NHSL1: variants seen among roughly 807,000 people sequenced by gnomAD.
NHSL1 encodes the protein NHS-like protein 1.
In NHSL1, 48 loss-of-function variants were observed where a neutral mutation model predicts 95.0. That is an observed-to-expected ratio of 0.51 (90% CI 0.40 to 0.64). The LOEUF is 0.64. NHSL1 is among the 30% of genes least tolerant of loss of function. NHSL1 has a pLI of 0.00. For synonymous variants in NHSL1, 783 were observed against 833.9 expected, an observed-to-expected ratio of 0.94 and a Z score of 1.05; for missense variants, 1,971 against 2,077.7, an observed-to-expected ratio of 0.95 and a Z score of 1.00.
chr6:138,653,222 A>T (rs1785114484), intron 1 of NHSL1, among the ~76,000 whole-genome samples: 1 of 152,232 alleles, frequency 6.6e-6, no homozygotes, highest in Admixed American at 6.5e-5. Flanking sequence ...AGGTCTAACT[A>T]GGTGACATGT....
In NHSL1 at chr6:138,422,441, A is replaced by G. The variant is rs1343588417; in HGVS notation, c.*1640T>C. 1 of 152,176 alleles carries G rather than the reference A, an allele frequency of 6.6e-6. No homozygotes were observed. The highest frequency in any genetic ancestry group is 2.4e-5 in the African/African-American group (1 of 41,438). 9.4% of individuals were successfully genotyped at this position (152,176 alleles called of 1,614,324 possible). On this transcript the variant is annotated 3_prime_UTR_variant, in exon 8 of 8. Coordinates refer to ENST00000343505, the MANE Select transcript of NHSL1 (RefSeq NM_001144060.2). ...ATGGGTATCTAAAGTTTTAGTTTAT[A>G]AGTCTCATAATGATTTGACCCATGC...
chr6:138,430,813 G>T lies in NHSL1; in HGVS notation c.3532C>A (p.Pro1178Thr), dbSNP rs1775590792. ...GAGTCTGGGAGTGGGGTGGTGCTGG[G>T]GCTGGGCCGAGCCTCTGCCTCCCCA... The part of the protein sequence containing the change: ...SAGEAEARPS[P>T]STTPLPDSSP... The change falls in exon 6 of 8, where the codon CCC becomes ACC. Residue 1178 changes from proline (P) to threonine (T), a missense_variant. Pro to Thr is a conservative substitution (Grantham distance 38, BLOSUM62 -1). This residue lies in a region of NHSL1 where 1,602 missense variants were observed against 1,654.5 expected (regional missense o/e 0.97). Coordinates refer to ENST00000343505, the MANE Select transcript of NHSL1 (RefSeq NM_001144060.2). This position sits in a 1 kb window ranked among gnomAD's most constrained non-coding sequence, Gnocchi z 4.7. 2 of 1,551,124 alleles carry T rather than the reference G, an allele frequency of 1.3e-6. No homozygotes were observed. The highest frequency in any genetic ancestry group is 4.9e-5 in the East Asian group (2 of 40,880).
intron 3 of NHSL1, among the ~76,000 whole-genome samples, chr6:138,469,345 A>G (rs1778602194): frequency 6.6e-6 from 1 of 152,242 alleles, no homozygotes; most frequent in South Asian, 2.1e-4. Context: ...TAGAGAAAAC[A>G]TAAGGCTTAT....
In NHSL1 at chr6:138,619,879, C is replaced by T. The variant is rs959699074; in HGVS notation, c.96+72597G>A. Among the ~76,000 whole-genome samples, 3 of 142,648 alleles carry T rather than the reference C, an allele frequency of 2.1e-5. No individual in the cohort carries two copies. In the East Asian group the frequency reaches 6.5e-4, roughly 31 times the overall value. The allele number at this position is 142,648 out of a possible 152,430, so 93.6% of individuals were successfully genotyped here. A position where few individuals can be genotyped will look rare whatever the true frequency, so the allele number is the denominator to read the frequency against. Reference sequence around the variant, plus strand: ...AGGAGAATTGCTTGAACCCGGGAAGCGGAGGTTGCAGTGAGCTGAGATCGT... The same window carrying T: ...AGGAGAATTGCTTGAACCCGGGAAGTGGAGGTTGCAGTGAGCTGAGATCGT... On this transcript the variant is annotated intron_variant, in intron 1 of 3. Transcript: ENST00000491526.
At chr6:138,647,071 A>G (rs1315230028) in intron 1 of NHSL1, among the ~76,000 whole-genome samples, 1 of 152,232 alleles carries the variant, frequency 6.6e-6, no homozygotes, top group Non-Finnish European at 1.5e-5. Context: ...ACTAGGACAC[A>G]ACATCCAACT....
intron 1 of NHSL1, among the ~76,000 whole-genome samples, chr6:138,522,821 GTTTAC>G (rs1781740483): frequency 6.6e-6 from 1 of 151,804 alleles, no homozygotes; most frequent in African/African-American, 2.4e-5. Flanking sequence ...AAAAAAAAAA[GTTTAC>G]TTTCTCTTTG....
Position 138,424,066 on chromosome 6 carries a change from G to A in NHSL1, c.*15C>T. The stretch of plus-strand genomic sequence containing the variant: ...GTCTCCCCCCGTGTCACCTGGGAGA[G>A]TTACGTTCTTGGCCCTAACTCTCCT... On this transcript the variant is annotated 3_prime_UTR_variant, in exon 8 of 8. Coordinates refer to ENST00000343505, the MANE Select transcript of NHSL1 (RefSeq NM_001144060.2). This position sits in a 1 kb window ranked among gnomAD's most constrained non-coding sequence, Gnocchi z 5.9. 7.3e-7 allele frequency: 1 copy of A among 1,363,762 alleles called. No homozygotes were observed. Among genetic ancestry groups the A allele is most frequent in the Non-Finnish European group, 9.4e-7 (1 of 1,060,620 alleles). 84.5% of individuals were successfully genotyped at this position (1,363,762 alleles called of 1,614,324 possible). A position where few individuals can be genotyped will look rare whatever the true frequency, so the allele number is the denominator to read the frequency against.
chr6:138,569,583 C>T (rs1783747334), intron 1 of NHSL1, among the ~76,000 whole-genome samples: 1 of 152,130 alleles, frequency 6.6e-6, no homozygotes, highest in Non-Finnish European at 1.5e-5. Context: ...CTATTTGATG[C>T]TTCTAAGAAA....
chr6:138,524,807 C>T (rs1402625832), intron 1 of NHSL1, among the ~76,000 whole-genome samples: 1 of 152,088 alleles, frequency 6.6e-6, no homozygotes, highest in African/African-American at 2.4e-5. Context: ...TAAAGGTTTT[C>T]TTCCCTAGCA....
intron 1 of NHSL1, among the ~76,000 whole-genome samples, chr6:138,676,103 T>C (rs1258182750): frequency 6.6e-6 from 1 of 152,192 alleles, no homozygotes; most frequent in Non-Finnish European, 1.5e-5. Flanking sequence ...GATCTCGATT[T>C]GAAAAGAGGA....
chr6:138,431,461 C>A lies in NHSL1; in HGVS notation c.2884G>T (p.Gly962Cys). ...ACAGGAGAGTGAGGCAGAGGAGAGC[C>A]CTGGGAGCAATCTGTGACAGGAGGT... ...PPPPVTDCSQ[G>C]SPLPHSPVFP... The change falls in exon 6 of 8, where the codon GGC (glycine) becomes TGC (cysteine). Residue 962 changes from glycine to cysteine, a missense_variant. By Grantham distance (159) the Gly-to-Cys change is radical. Transcript: ENST00000343505. The surrounding 1 kb of genome is among the most constrained non-coding windows in gnomAD (Gnocchi z 4.0). The A allele has an allele frequency of 6.5e-7, 1 of 1,550,376 alleles. No homozygotes were observed. Among genetic ancestry groups the A allele is most frequent in the Admixed American group, 2.0e-5 (1 of 50,884 alleles).
chr6:138,568,779 T>C (rs1252124076), intron 1 of NHSL1, among the ~76,000 whole-genome samples: 2 of 152,136 alleles, frequency 1.3e-5, no homozygotes, highest in Non-Finnish European at 1.5e-5. Context: ...CTTCTAATCG[T>C]ATAAAAAGAT....
intron 1 of NHSL1, among the ~76,000 whole-genome samples, chr6:138,690,967 T>C (rs1785658559): frequency 6.6e-6 from 1 of 152,204 alleles, no homozygotes; most frequent in African/African-American, 2.4e-5. Context: ...TCTTGTTTTT[T>C]AATTCCCACA....
At chr6:138,512,740 G>A (rs1458679336) in intron 1 of NHSL1, among the ~76,000 whole-genome samples, 3 of 152,194 alleles carry the variant, frequency 2.0e-5, no homozygotes, top group Admixed American at 2.0e-4. Flanking sequence ...TCATTAAGAA[G>A]TCTTGGGGCA....
rs1247187196 is a variant in NHSL1 at position 138,437,361 on chromosome 6, T to C, written c.665-3681A>G. On this transcript the variant is annotated intron_variant, in intron 5 of 7. Coordinates refer to ENST00000343505, the MANE Select transcript of NHSL1 (RefSeq NM_001144060.2). ...ATATATACACATATATATATACACA[T>C]ATATATATATACACATATATATATA... 6.3e-4 allele frequency among the ~76,000 whole-genome samples: 34 copies of C among 54,060 alleles called. 2 individuals carry two copies. Among genetic ancestry groups the C allele is most frequent in the Admixed American group, 2.4e-3 (11 of 4,494 alleles). The allele number at this position is 54,060 out of a possible 152,430, so 35.5% of individuals were successfully genotyped here. A position where few individuals can be genotyped will look rare whatever the true frequency, so the allele number is the denominator to read the frequency against.
At chr6:138,593,317 T>C (rs1197863916) in intron 1 of NHSL1, among the ~76,000 whole-genome samples, 1 of 152,208 alleles carries the variant, frequency 6.6e-6, no homozygotes, top group Non-Finnish European at 1.5e-5. Flanking sequence ...CAGGTCTGGC[T>C]CTGAAGTTCG....
chr6:138,633,732 C>T (rs1352248550), intron 1 of NHSL1, among the ~76,000 whole-genome samples: 1 of 152,094 alleles, frequency 6.6e-6, no homozygotes, highest in African/African-American at 2.4e-5. Context: ...AAGAAATCAC[C>T]TAAAGGTACA....
At chr6:138,582,773 CTCTT>C (rs1784080781) in intron 1 of NHSL1, among the ~76,000 whole-genome samples, 1 of 152,320 alleles carries the variant, frequency 6.6e-6, no homozygotes, top group East Asian at 1.9e-4. Context: ...AGGCCCTTGA[CTCTT>C]TATCTCCTCC....
chr6:138,622,895 G>A lies in NHSL1; in HGVS notation c.96+69581C>T, dbSNP rs1784684136. Among the ~76,000 whole-genome samples, 9 of 152,182 alleles carry A rather than the reference G, an allele frequency of 5.9e-5. No homozygotes were observed. In the South Asian group the frequency reaches 1.4e-3, roughly 25 times the overall value. ...CACACACTAAGCATTCCTTTGGGTGGCTGCTACAGAAGTAATGGAGCGCAG... is the reference window on the plus strand; with the variant it reads ...CACACACTAAGCATTCCTTTGGGTGACTGCTACAGAAGTAATGGAGCGCAG... On this transcript the variant is annotated intron_variant, in intron 1 of 3. Coordinates refer to the NHSL1 transcript ENST00000491526.
Sources: gnomAD v4.1 joint callset for allele counts (sites outside exome capture counted in the v4.1 genomes callset) on GRCh38, gnomAD v4.1.1 for gene constraint, gnomAD v4.1.1 regional missense constraint, Gnocchi (gnomAD v3.1) non-coding constraint, MANE v1.5 for transcripts, NCBI Gene and HGNC (gene_info 2026-07-23, HGNC 2026-07-21) for gene names.